Variants in MCOLN3 observed in about 807,000 individuals in gnomAD.
The protein encoded by MCOLN3 is mucolipin-3.
Under a neutral mutation model 69.4 loss-of-function variants are expected in MCOLN3, and 62 were observed. The ratio of observed to expected loss-of-function variants is 0.89; its 90% CI spans 0.73 to 1.10. The LOEUF (loss-of-function observed/expected upper bound fraction) is 1.10, where lower values mean the gene tolerates loss of function less well. Ranked by LOEUF, MCOLN3 falls within the 50% of genes least tolerant of loss-of-function variation. The probability of loss-of-function intolerance (pLI) is 0.00; values close to 1 mark genes in which losing one functional copy is unlikely to be tolerated. For synonymous variants in MCOLN3, 183 were observed against 217.0 expected (o/e 0.84, Z 1.38); for missense variants, 564 against 656.4 (o/e 0.86, Z 1.54).
At chr1:85,026,862 T>TA (rs1652250698) in intron 7 of MCOLN3, among the ~76,000 whole-genome samples, 1 of 151,720 alleles carries the variant, frequency 6.6e-6, no homozygotes. Flanking sequence ...ATATTCTTTT[T>TA]TTTTTTCCTC....
At chr1:85,025,865 T>G (rs1652186940) in intron 9 of MCOLN3, 74 bp downstream of exon 9, 1 of 1,388,418 alleles carries the variant, frequency 7.2e-7, no homozygotes, top group South Asian at 1.3e-5. Context: ...CTGAAAATTC[T>G]TACATTCTGG....
At chr1:85,041,257 C>G (rs550886327) in intron 2 of MCOLN3, 80 bp from the exon 3 acceptor site, 1 of 1,146,822 alleles carries the variant, frequency 8.7e-7, no homozygotes, top group Non-Finnish European at 1.2e-6. Context: ...GGGGCTTGAA[C>G]AACAAATAGA....
intron 11 of MCOLN3, 41 bp from the exon 12 acceptor site, chr1:85,021,317 C>T: frequency 6.6e-7 from 1 of 1,524,438 alleles, no homozygotes. Context: ...ATTCCATGTT[C>T]CTTCCCATTG....
intron 6 of MCOLN3, among the ~76,000 whole-genome samples, chr1:85,031,058 G>A (rs774488621): frequency 1.3e-5 from 2 of 152,028 alleles, no homozygotes; most frequent in Non-Finnish European, 2.9e-5. Context: ...GGATCACGAG[G>A]TCAAGAGATC....
chr1:85,026,650 G>C (rs1652238284), intron 7 of MCOLN3, among the ~76,000 whole-genome samples: 1 of 151,430 alleles, frequency 6.6e-6, no homozygotes, highest in Non-Finnish European at 1.5e-5. Flanking sequence ...CCAGCTACTT[G>C]GGAGGCTGAG....
At chr1:85,020,026 A>C (rs1160641417) in intron 12 of MCOLN3, among the ~76,000 whole-genome samples, 1 of 152,110 alleles carries the variant, frequency 6.6e-6, no homozygotes, top group African/African-American at 2.4e-5. Flanking sequence ...AAAGGTGAAA[A>C]CCCATGTTAT....
At chr1:85,047,633 G>A (rs911399387) in intron 1 of MCOLN3, 2 of 152,252 alleles carry the variant, frequency 1.3e-5, no homozygotes, top group Non-Finnish European at 2.9e-5. Context: ...GAGAAAGCCC[G>A]GGAGTGTATA....
chr1:85,019,309 C>A (rs1651809910), intron 12 of MCOLN3, 52 bp from the exon 13 acceptor site: 1 of 1,559,626 alleles, frequency 6.4e-7, no homozygotes, highest in Non-Finnish European at 8.8e-7. Context: ...TTGAAAACAG[C>A]TTCATTCCAA....
rs1335231821 is a variant in MCOLN3, at chr1:85,018,292, T to C, written c.*831A>G. On this transcript the variant is annotated 3_prime_UTR_variant, in exon 13 of 13. Transcript: ENST00000370589. ...ATGTTTTGGTCAATGATGTACCGCATATACAATGGTGGTCCCAGAAGATTA... is the reference window on the plus strand; with the variant it reads ...ATGTTTTGGTCAATGATGTACCGCACATACAATGGTGGTCCCAGAAGATTA... 3 of 152,206 alleles carry C rather than the reference T, an allele frequency of 2.0e-5. No individual in the cohort carries two copies. The highest frequency in any genetic ancestry group is 2.0e-4 in the Admixed American group (3 of 15,272). The allele number at this position is 152,206 out of a possible 1,614,324, so 9.4% of individuals were successfully genotyped here.
At chr1:85,033,016 G>A (rs887484330) in intron 4 of MCOLN3, 60 bp from the exon 5 acceptor site, 28 of 1,371,038 alleles carry the variant, frequency 2.0e-5, no homozygotes, top group Non-Finnish European at 2.9e-5. Flanking sequence ...ATTTTGAAAG[G>A]CTGATACATT....
At chr1:85,029,949 T>C (rs1264388643) in intron 6 of MCOLN3, 1 of 152,258 alleles carries the variant, frequency 6.6e-6, no homozygotes, top group East Asian at 1.9e-4. Context: ...TTGAAAACTT[T>C]GTCATTTAAA....
rs1187177816 is a variant in MCOLN3 at position 85,045,117 on chromosome 1, G to A, written c.228+16C>T. Reference sequence around the variant, plus strand: ...TAAAAGAGGCTTTCACCAAACTCATGATCTGAGATGCTTACCTGGATAGTC... The same window carrying A: ...TAAAAGAGGCTTTCACCAAACTCATAATCTGAGATGCTTACCTGGATAGTC... On this transcript the variant is annotated intron_variant, in intron 2 of 12. Transcript: ENST00000370589. 17 of 1,594,784 alleles carry A rather than the reference G, an allele frequency of 1.1e-5. No individual in the cohort carries two copies. The highest frequency in any genetic ancestry group is 1.5e-5 in the Non-Finnish European group (17 of 1,166,278).
intron 9 of MCOLN3, among the ~76,000 whole-genome samples, chr1:85,024,319 G>A (rs1652107606): frequency 6.6e-6 from 1 of 152,162 alleles, no homozygotes; most frequent in Non-Finnish European, 1.5e-5. Flanking sequence ...CATGCTAATG[G>A]GAATGACCTG....
At chr1:85,036,184 T>C (rs114549285) in intron 3 of MCOLN3, among the ~76,000 whole-genome samples, 162 of 152,204 alleles carry the variant, frequency 1.1e-3, no homozygotes, top group Middle Eastern at 3.4e-3. Context: ...ACATAATAGA[T>C]ACTATTTTTG....
Position 85,025,944 on chromosome 1 carries a change from C to G in MCOLN3, c.1090G>C (p.Ala364Pro). ...IGSILKMEIQ[A>P]KSLTSYDVCS... ...ATGATTAGGAAAAAAATTACCTTAG[C>G]TTGGATTTCCATTTTTAGAATTGAT... Residue 364 changes from alanine to proline, a missense_variant, in exon 9 of 13, where the codon GCT becomes CCT. Ala to Pro is a conservative substitution (Grantham distance 27). Transcript: ENST00000370589. 6.3e-7 allele frequency: 1 copy of G among 1,595,642 alleles called. No homozygotes were observed. The highest frequency in any genetic ancestry group is 8.5e-7 in the Non-Finnish European group (1 of 1,170,688).
At chr1:85,033,920 G>T (rs1471544172) in intron 4 of MCOLN3, among the ~76,000 whole-genome samples, 178 bp downstream of exon 4, 1 of 152,146 alleles carries the variant, frequency 6.6e-6, no homozygotes, top group Non-Finnish European at 1.5e-5. Context: ...TTTCCTTGAG[G>T]ATTCTTGAGT....
At chr1:85,030,999 A>G (rs936628516) in intron 6 of MCOLN3, among the ~76,000 whole-genome samples, 4 of 152,274 alleles carry the variant, frequency 2.6e-5, no homozygotes, top group Admixed American at 1.3e-4. Context: ...AGGGCCGGGC[A>G]CGGTGGCTCA....
At chr1:85,033,329 A>G (rs1256055177) in intron 4 of MCOLN3, among the ~76,000 whole-genome samples, 2 of 152,194 alleles carry the variant, frequency 1.3e-5, no homozygotes, top group African/African-American at 4.8e-5. Context: ...TTTTCTAAGC[A>G]GTTTGAGGGA....
intron 12 of MCOLN3, among the ~76,000 whole-genome samples, chr1:85,019,791 T>C (rs1651833735): frequency 6.6e-6 from 1 of 152,196 alleles, no homozygotes; most frequent in African/African-American, 2.4e-5. Context: ...AAGGTCTGAA[T>C]GCTGTAAGGG....
Sources: allele counts gnomAD v4.1 joint callset (sites outside exome capture counted in the v4.1 genomes callset), GRCh38; gene constraint gnomAD v4.1.1; transcripts MANE v1.5; gene names NCBI Gene and HGNC (gene_info 2026-07-23, HGNC 2026-07-21).